The following MAP2K2 variants were observed in gnomAD, a reference collection of about 807,000 sequenced individuals.
MAP2K2 encodes the protein dual specificity mitogen-activated protein kinase kinase 2.
In MAP2K2, 24 loss-of-function variants were observed where a neutral mutation model predicts 43.7. The observed-to-expected ratio is 0.55, with a 90% CI of 0.40 to 0.77. MAP2K2 has a LOEUF of 0.77. Among genes scored for constraint, MAP2K2 ranks in the 30% least tolerant of loss-of-function variants. The pLI is 0.00. For synonymous variants in MAP2K2, 244 were observed against 239.7 expected (o/e 1.02, Z -0.17); for missense variants, 470 against 566.8 (o/e 0.83, Z 1.73).
chr19:4,106,234 T>C (rs571011396), intron 3 of MAP2K2, among the ~76,000 whole-genome samples: 13 of 152,020 alleles, frequency 8.6e-5, no homozygotes, highest in Non-Finnish European at 2.9e-5. Flanking sequence ...GGAGAGACCC[T>C]ATCTCTACAC....
chr19:4,102,318 T>TGGAAGAGGTCCGTGC, intron 4 of MAP2K2, 58 bp downstream of exon 4: 1 of 1,434,426 alleles, frequency 7.0e-7, no homozygotes, highest in South Asian at 1.2e-5. Context: ...CCTGGCCGTG[T>TGGAAGAGGTCCGTGC]GGAAGAGGTC....
At chr19:4,093,973 T>C (rs2040879179) in intron 10 of MAP2K2, among the ~76,000 whole-genome samples, 1 of 152,064 alleles carries the variant, frequency 6.6e-6, no homozygotes, top group Admixed American at 6.6e-5. Context: ...AGGCGAGTTT[T>C]GGTGAACAGC....
chr19:4,102,329 C>G (rs372637213), intron 4 of MAP2K2, 47 bp downstream of exon 4: 29 of 1,482,198 alleles, frequency 2.0e-5, no homozygotes, highest in Non-Finnish European at 2.4e-5. Flanking sequence ...GGAAGAGGTC[C>G]GTGCAGAGTG....
intron 3 of MAP2K2, chr19:4,104,617 A>T (rs944502603): frequency 6.6e-6 from 1 of 152,290 alleles, no homozygotes; most frequent in African/African-American, 2.4e-5. Flanking sequence ...AACCAAACAG[A>T]CGCACCAAAC....
Position 4,115,941 on chromosome 19 carries a change from T to A in MAP2K2, c.303+1478A>T, listed in dbSNP as rs1253169661. ...GTGGTCACATCCTCCCTGTATCCCC[T>A]GGGCACTATTCTCAAACACAGAGCA... On this transcript the variant is annotated intron_variant, in intron 2 of 10. Coordinates refer to ENST00000262948, the MANE Select transcript of MAP2K2 (RefSeq NM_030662.4). This position sits in a 1 kb window ranked among gnomAD's most constrained non-coding sequence, Gnocchi z 4.1. Among the ~76,000 whole-genome samples, 1 of 152,146 alleles carries A rather than the reference T, an allele frequency of 6.6e-6. No individual in the cohort carries two copies. Among genetic ancestry groups the A allele is most frequent in the African/African-American group, 2.4e-5 (1 of 41,416 alleles).
chr19:4,117,571 T>G lies in MAP2K2; in HGVS notation c.151A>C (p.Lys51Gln). The change falls in exon 2 of 11, where the codon AAG becomes CAG. Residue 51 changes from lysine to glutamine, a missense_variant. Lys to Gln is a moderately conservative substitution (Grantham distance 53). Coordinates refer to ENST00000262948, the MANE Select transcript of MAP2K2 (RefSeq NM_030662.4). Reference sequence around the variant, plus strand: ...GTGAGAAAGGCTTCCAGCCGCTTCTTCTGCTGCTCGTCAAGTTCCAGCTCC... The same window carrying G: ...GTGAGAAAGGCTTCCAGCCGCTTCTGCTGCTGCTCGTCAAGTTCCAGCTCC... ...LEELELDEQQ[K>Q]KRLEAFLTQK... 6.2e-7 allele frequency: 1 copy of G among 1,614,174 alleles called. No homozygotes were observed. Among genetic ancestry groups the G allele is most frequent in the Non-Finnish European group, 8.5e-7 (1 of 1,180,054 alleles).
At chr19:4,122,082 C>G (rs568007083) in intron 1 of MAP2K2, among the ~76,000 whole-genome samples, 1 of 143,992 alleles carries the variant, frequency 6.9e-6, no homozygotes, top group African/African-American at 2.6e-5. Flanking sequence ...CCCAAAAGGA[C>G]CGCTCCCCGC....
chr19:4,116,413 C>T (rs1171139657), intron 2 of MAP2K2, among the ~76,000 whole-genome samples: 2 of 152,066 alleles, frequency 1.3e-5, no homozygotes, highest in Non-Finnish European at 1.5e-5. Flanking sequence ...ACCTGTAATC[C>T]CAGCTACTCG....
chr19:4,104,577 CCAA>C (rs2041059672), intron 3 of MAP2K2: 1 of 152,334 alleles, frequency 6.6e-6, no homozygotes, highest in African/African-American at 2.4e-5. Flanking sequence ...CAGAAAGAGA[CCAA>C]CGACTCGAAA....
chr19:4,102,205 A>G (rs927437109), intron 4 of MAP2K2, among the ~76,000 whole-genome samples, 171 bp downstream of exon 4: 6 of 152,140 alleles, frequency 3.9e-5, no homozygotes, highest in South Asian at 4.1e-4. Context: ...CCCAAAAGGG[A>G]CGTCACTTGT....
At chr19:4,120,536 T>C (rs1369947577) in intron 1 of MAP2K2, among the ~76,000 whole-genome samples, 1 of 152,172 alleles carries the variant, frequency 6.6e-6, no homozygotes, top group Non-Finnish European at 1.5e-5. Flanking sequence ...AGGTTGGTCT[T>C]GAACTCTGGG....
At chr19:4,112,743 C>A (rs1439074628) in intron 2 of MAP2K2, among the ~76,000 whole-genome samples, 2 of 152,170 alleles carry the variant, frequency 1.3e-5, no homozygotes, top group Non-Finnish European at 2.9e-5. Flanking sequence ...CAGACGGTGG[C>A]CCCTGGGCTA....
chr19:4,091,891 C>T (rs1015800432), intron 10 of MAP2K2, among the ~76,000 whole-genome samples: 8 of 152,126 alleles, frequency 5.3e-5, no homozygotes, highest in South Asian at 4.1e-4. Context: ...TCAAATGATC[C>T]GCTCACCTCG....
At chr19:4,116,053 T>A (rs1041972854) in intron 2 of MAP2K2, among the ~76,000 whole-genome samples, 1 of 152,184 alleles carries the variant, frequency 6.6e-6, no homozygotes, top group Non-Finnish European at 1.5e-5. Flanking sequence ...AAAGGGTGGG[T>A]GACAGTCAGC....
intron 3 of MAP2K2, among the ~76,000 whole-genome samples, chr19:4,108,715 ACACTGTC>A (rs2041119256): frequency 2.0e-5 from 3 of 152,064 alleles, no homozygotes; most frequent in African/African-American, 7.2e-5. Context: ...GCGGGTTGCC[ACACTGTC>A]CCCTTTCTGC....
rs199892711 is a variant in MAP2K2, at chr19:4,110,492, G to A, written c.450+17C>T. 4.2e-5 allele frequency: 68 copies of A among 1,612,294 alleles called. No individual in the cohort carries two copies. The African/African-American group carries it at 8.3e-4, about 20-fold the overall frequency. The stretch of plus-strand genomic sequence containing the variant: ...CCGTGGAGGCCCTGCCCCTGCCCCT[G>A]CCCCGGACGCACTCACCATGTGTTC... On this transcript the variant is annotated intron_variant, in intron 3 of 10. Coordinates refer to ENST00000262948, the MANE Select transcript of MAP2K2 (RefSeq NM_030662.4).
At chr19:4,113,603 A>G (rs1296099671) in intron 2 of MAP2K2, among the ~76,000 whole-genome samples, 3 of 152,298 alleles carry the variant, frequency 2.0e-5, no homozygotes, top group African/African-American at 7.2e-5. Context: ...CTCGGGGAAC[A>G]CTGGAGCCCG....
At chr19:4,123,258 CCTA>C (rs969147053) in intron 1 of MAP2K2, among the ~76,000 whole-genome samples, 8 of 151,230 alleles carry the variant, frequency 5.3e-5, no homozygotes, top group East Asian at 2.0e-4. Context: ...TTCCGATTTT[CCTA>C]CTGAGGGACT....
chr19:4,098,897 G>A lies in MAP2K2; in HGVS notation c.919+304C>T, dbSNP rs376437031. 6.6e-5 allele frequency among the ~76,000 whole-genome samples: 10 copies of A among 152,362 alleles called. No homozygotes were observed. In the East Asian group the frequency reaches 7.7e-4, roughly 12 times the overall value. ...CTTTTCTGTGCGTTTGAATGCTTTCGGGATAAAATGTTGGAAAATCCAACT... is the reference window on the plus strand; with the variant it reads ...CTTTTCTGTGCGTTTGAATGCTTTCAGGATAAAATGTTGGAAAATCCAACT... On this transcript the variant is annotated intron_variant, in intron 7 of 10. Coordinates refer to ENST00000262948, the MANE Select transcript of MAP2K2 (RefSeq NM_030662.4).
Sources: gnomAD v4.1 joint callset for allele counts (sites outside exome capture counted in the v4.1 genomes callset) on GRCh38, gnomAD v4.1.1 for gene constraint, Gnocchi (gnomAD v3.1) non-coding constraint, MANE v1.5 for transcripts, NCBI Gene and HGNC (gene_info 2026-07-23, HGNC 2026-07-21) for gene names.